The following RIPOR2 variants were observed in gnomAD, a reference collection of about 807,000 sequenced individuals.
RIPOR2 encodes rho family-interacting cell polarization regulator 2.
In RIPOR2, 39 loss-of-function variants were observed where a neutral mutation model predicts 114.5. The ratio of observed to expected loss-of-function variants is 0.34; its 90% CI spans 0.26 to 0.44. RIPOR2 has a LOEUF of 0.44. Among genes scored for constraint, RIPOR2 ranks in the 20% least tolerant of loss-of-function variants. RIPOR2 has a pLI of 1.00. For missense variants in RIPOR2, 1,007 were observed against 1,255.1 expected (o/e 0.80, Z 2.99); for synonymous variants, 445 against 484.4 (o/e 0.92, Z 1.07).
chr6:24,807,493 A>G (rs1780848436), intron 21 of RIPOR2, among the ~76,000 whole-genome samples: 1 of 152,170 alleles, frequency 6.6e-6, no homozygotes. Context: ...AGGCTAAGCT[A>G]TGATGTTCTG....
intron 1 of RIPOR2, among the ~76,000 whole-genome samples, chr6:24,996,757 C>G (rs141202919): frequency 3.9e-5 from 6 of 152,214 alleles, no homozygotes; most frequent in East Asian, 3.8e-4. Context: ...ACTTCCTCTG[C>G]GTGACTCAGG....
At chr6:25,024,353 G>A in intron 1 of RIPOR2, 1 of 1,427,466 alleles carries the variant, frequency 7.0e-7, no homozygotes, top group South Asian at 1.1e-5. Context: ...CTTCCTCGAA[G>A]TCTTCCTTCT....
intron 1 of RIPOR2, among the ~76,000 whole-genome samples, chr6:24,941,391 T>C (rs1228133955): frequency 6.6e-6 from 1 of 151,602 alleles, no homozygotes; most frequent in Non-Finnish European, 1.5e-5. Context: ...AAAAAAAGCA[T>C]ATAAAGGCAC....
intron 1 of RIPOR2, among the ~76,000 whole-genome samples, chr6:24,999,763 A>T (rs1021120480): frequency 6.6e-6 from 1 of 151,982 alleles, no homozygotes; most frequent in Non-Finnish European, 1.5e-5. Context: ...TCACTGTGTT[A>T]GCCTGGATGG....
At chr6:25,005,235 T>G (rs919845046) in intron 1 of RIPOR2, among the ~76,000 whole-genome samples, 3 of 152,210 alleles carry the variant, frequency 2.0e-5, no homozygotes, top group Admixed American at 1.3e-4. Flanking sequence ...AAGGAGGCCC[T>G]GGGGTTTTCA....
intron 1 of RIPOR2, among the ~76,000 whole-genome samples, chr6:25,007,931 G>A (rs1164286824): frequency 1.3e-5 from 2 of 151,966 alleles, no homozygotes; most frequent in Non-Finnish European, 2.9e-5. Context: ...TTCCTATCAT[G>A]TTTAGTGGCA....
At chr6:24,911,014 C>A in intron 1 of RIPOR2, 3 of 983,424 alleles carry the variant, frequency 3.1e-6, no homozygotes, top group Non-Finnish European at 3.6e-6. Flanking sequence ...GGCTGCCCTG[C>A]CGCGTCCGCT....
intron 18 of RIPOR2, among the ~76,000 whole-genome samples, chr6:24,826,828 A>G (rs1760229971): frequency 6.6e-6 from 1 of 152,322 alleles, no homozygotes; most frequent in South Asian, 2.1e-4. Flanking sequence ...ATGTACATTC[A>G]ACTGAAAAAT....
At chr6:24,817,976 C>CTTTTTTTTTTTTTTTTTTTTTTTTTTT (rs758675486) in intron 20 of RIPOR2, among the ~76,000 whole-genome samples, 1 of 84,448 alleles carries the variant, frequency 1.2e-5, no homozygotes. Flanking sequence ...CTCTCTCTCT[C>CTTTTTTTTTTTTTTTTTTTTTTTTTTT]TCTTTTTTTT....
chr6:24,851,764 A>C (rs78508757), intron 9 of RIPOR2, among the ~76,000 whole-genome samples: 1 of 151,630 alleles, frequency 6.6e-6, no homozygotes, highest in Non-Finnish European at 1.5e-5. Context: ...AAAAAAAAAA[A>C]CCTGCTTACC....
chr6:24,890,646 T>C (rs1014385048), intron 1 of RIPOR2, among the ~76,000 whole-genome samples: 1 of 145,926 alleles, frequency 6.9e-6, no homozygotes, highest in Non-Finnish European at 1.5e-5. Flanking sequence ...TTGTACCCAA[T>C]AGATTTTTTT....
rs1384500955 is a variant in RIPOR2 at position 24,818,588 on chromosome 6, T to G, written c.2906A>C (p.Asn969Thr). The change falls in exon 20 of 22, where the codon AAC becomes ACC. Residue 969 changes from asparagine to threonine, a missense_variant. Asn to Thr is a moderately conservative substitution (Grantham distance 65). Transcript: ENST00000643898. The part of the protein sequence containing the change: ...LYYCEALTKT[N>T]LQLQKAACLA... ...GCAAGCTGCTTTCTGGAGCTGGAGGTTTGTCTTTGTTAGTGCTTCACAGTA... is the reference window on the plus strand; with the variant it reads ...GCAAGCTGCTTTCTGGAGCTGGAGGGTTGTCTTTGTTAGTGCTTCACAGTA... 1.9e-6 allele frequency: 3 copies of G among 1,550,486 alleles called. No homozygotes were observed. In the African/African-American group the frequency reaches 4.1e-5, roughly 21 times the overall value.
At chr6:25,018,736 A>G (rs1268067516) in intron 1 of RIPOR2, among the ~76,000 whole-genome samples, 1 of 152,090 alleles carries the variant, frequency 6.6e-6, no homozygotes. Flanking sequence ...AATAGGTGAT[A>G]CTCTATGATG....
chr6:24,865,766 A>T (rs1420879199), intron 6 of RIPOR2, among the ~76,000 whole-genome samples: 2 of 152,232 alleles, frequency 1.3e-5, no homozygotes, highest in African/African-American at 4.8e-5. Flanking sequence ...GGTGGACTGT[A>T]AGTATTAAAT....
At position 24,961,741 on chromosome 6, in the gene RIPOR2, C is replaced by G. The variant is rs576714589; in HGVS notation, c.76+80110G>C. On this transcript the variant is annotated intron_variant, in intron 1 of 13. Coordinates refer to the RIPOR2 transcript ENST00000510784. ...CCAGGTTCAAGTGATGCTCCTACCT[C>G]AGCCTCCCTGAGTAGCTGGGATTAC... Among the ~76,000 whole-genome samples the G allele has an allele frequency of 2.6e-4, 40 of 151,954 alleles. 1 individual carries two copies. The East Asian group carries it at 7.6e-3, about 29-fold the overall frequency.
Position 24,875,802 on chromosome 6 carries a change from A to G in RIPOR2, c.77T>C (p.Leu26Pro). Residue 26 changes from leucine to proline, a missense_variant, in exon 2 of 22, where the codon CTC becomes CCC. By Grantham distance (98) the Leu-to-Pro change is moderately conservative. Coordinates refer to ENST00000643898, the MANE Select transcript of RIPOR2 (RefSeq NM_001286445.3). ...GGATCCTACCAACATGATTTCCGGG[A>G]GTCTGGTCGGTAGTCCTAGAAGACA... ...DVFGEGLPTR[L>P]PEIMLVGSQS... The G allele has an allele frequency of 6.2e-7, 1 of 1,611,278 alleles. No individual in the cohort carries two copies. Among genetic ancestry groups the G allele is most frequent in the Non-Finnish European group, 8.5e-7 (1 of 1,178,702 alleles).
At chr6:24,852,514 G>A (rs1235713026) in intron 9 of RIPOR2, 61 bp downstream of exon 9, 3 of 1,218,804 alleles carry the variant, frequency 2.5e-6, no homozygotes, top group Non-Finnish European at 3.6e-6. Flanking sequence ...ATAATGACAT[G>A]ACAACTGGCC....
At chr6:24,963,895 T>G (rs1773410191) in intron 1 of RIPOR2, among the ~76,000 whole-genome samples, 1 of 152,102 alleles carries the variant, frequency 6.6e-6, no homozygotes. Flanking sequence ...CACAGGACAT[T>G]GCAAAAATAG....
intron 1 of RIPOR2, among the ~76,000 whole-genome samples, chr6:24,926,870 GCAGCATCAT>G (rs1356239254): frequency 6.6e-6 from 1 of 151,412 alleles, no homozygotes; most frequent in Admixed American, 6.6e-5. Context: ...ATCATCAGCA[GCAGCATCAT>G]CAGCATCATC....
Sources: allele counts gnomAD v4.1 joint callset (sites outside exome capture counted in the v4.1 genomes callset), GRCh38; gene constraint gnomAD v4.1.1; transcripts MANE v1.5; gene names NCBI Gene and HGNC (gene_info 2026-07-23, HGNC 2026-07-21).